NELFA: variants seen among roughly 807,000 people sequenced by gnomAD.
NELFA encodes negative elongation factor complex member A, also known as negative elongation factor A.
In NELFA, 35 loss-of-function variants were observed where a neutral mutation model predicts 51.8. The observed-to-expected ratio is 0.68, with a 90% CI of 0.52 to 0.90. The LOEUF (loss-of-function observed/expected upper bound fraction) is 0.90, where lower values mean the gene tolerates loss of function less well. Ranked by LOEUF, NELFA falls within the 40% of genes least tolerant of loss-of-function variation. The pLI is 0.00. For missense variants in NELFA, 658 were observed against 746.4 expected (o/e 0.88, Z 1.38); for synonymous variants, 417 against 338.4 (o/e 1.23, Z -2.55).
In NELFA at chr4:1,989,876, G is replaced by GT; in HGVS notation, c.383-8dup. 3 of 1,611,694 alleles carry GT rather than the reference G, an allele frequency of 1.9e-6. No homozygotes were observed. Among genetic ancestry groups the GT allele is most frequent in the Non-Finnish European group, 2.5e-6 (3 of 1,178,954 alleles). ...GACGCTTCACACTCACCCACTGCCG[G>GT]TAAGAACCACATGAAGTTAGGGGCG... On this transcript the variant is annotated splice_region_variant and splice_polypyrimidine_tract_variant and intron_variant, in intron 2 of 10. Transcript: ENST00000382882. The surrounding 1 kb of genome is among the most constrained non-coding windows in gnomAD (Gnocchi z 4.8).
intron 2 of NELFA, chr4:1,990,571 G>T: frequency 2.2e-6 from 1 of 450,452 alleles, no homozygotes; most frequent in Admixed American, 2.4e-5. Context: ...CCTCACAGGT[G>T]GGGAGAGGTG....
chr4:2,001,207 G>A (rs1230148060), intron 1 of NELFA, among the ~76,000 whole-genome samples: 1 of 152,168 alleles, frequency 6.6e-6, no homozygotes, highest in East Asian at 1.9e-4. Context: ...GGCAAAAGCT[G>A]GAAGCATTCT....
In NELFA at chr4:1,989,598, G is replaced by T; in HGVS notation, c.544+110C>A. On this transcript the variant is annotated intron_variant, in intron 3 of 10. Transcript: ENST00000382882. The surrounding 1 kb of genome is among the most constrained non-coding windows in gnomAD (Gnocchi z 4.8). ...CCTCCCAACAGGTGTGAGCCACCAT[G>T]CCTGGCCCAGAACGCCACCTTGAAG... 1 of 1,235,778 alleles carries T rather than the reference G, an allele frequency of 8.1e-7. No homozygotes were observed. The highest frequency in any genetic ancestry group is 1.1e-6 in the Non-Finnish European group (1 of 891,488). 76.6% of individuals were successfully genotyped at this position (1,235,778 alleles called of 1,614,324 possible).
At chr4:2,001,927 A>G (rs189669381) in intron 1 of NELFA, among the ~76,000 whole-genome samples, 41 of 149,396 alleles carry the variant, frequency 2.7e-4, no homozygotes, top group Admixed American at 1.5e-3. Context: ...AAGGCCAGGC[A>G]CGGTGGCTCA....
chr4:1,990,127 C>G, intron 2 of NELFA: 1 of 525,636 alleles, frequency 1.9e-6, no homozygotes, highest in Non-Finnish European at 3.4e-6. Flanking sequence ...ACCGCGGACA[C>G]CAAGAACCAC....
At chr4:2,007,227 A>C (rs975256594) in intron 1 of NELFA, 3 of 321,958 alleles carry the variant, frequency 9.3e-6, no homozygotes, top group African/African-American at 4.3e-5. Context: ...CAAACACAAA[A>C]ACAAAACACT....
chr4:2,005,122 A>T (rs187100657), intron 1 of NELFA, among the ~76,000 whole-genome samples: 161 of 147,986 alleles, frequency 1.1e-3, no homozygotes, highest in African/African-American at 3.1e-3. Flanking sequence ...AAGCTATTTT[A>T]AAAAAATTCA....
At chr4:1,985,658 C>T in intron 7 of NELFA, 118 bp downstream of exon 7, 1 of 738,102 alleles carries the variant, frequency 1.4e-6, no homozygotes, top group East Asian at 2.7e-5. Context: ...TAAATACAGA[C>T]TGCACACATA....
chr4:1,983,281 AC>A lies in NELFA; in HGVS notation c.*37del, dbSNP rs771213893. 4.0e-5 allele frequency: 63 copies of A among 1,583,974 alleles called. No individual in the cohort carries two copies. The highest frequency in any genetic ancestry group is 4.8e-5 in the Non-Finnish European group (56 of 1,159,806). On this transcript the variant is annotated 3_prime_UTR_variant, in exon 11 of 11. Transcript: ENST00000382882. ...AGCTGGCAAAGCCATCGTCCCGTGGACCCCCACAAGTGACGGCCAGCTGTGA... is the reference window on the plus strand; with the variant it reads ...AGCTGGCAAAGCCATCGTCCCGTGGACCCCACAAGTGACGGCCAGCTGTGA...
chr4:1,991,507 C>T (rs1257334507), intron 2 of NELFA, 37 bp downstream of exon 2: 2 of 1,596,618 alleles, frequency 1.3e-6, no homozygotes, highest in Admixed American at 1.8e-5. Context: ...AGATCCATTT[C>T]CCTCCACCCA....
At chr4:1,985,030 G>A (rs911925056) in intron 7 of NELFA, 111 bp from the exon 8 acceptor site, 4 of 755,742 alleles carry the variant, frequency 5.3e-6, no homozygotes, top group Non-Finnish European at 8.4e-6. Flanking sequence ...CCCCGAGCTA[G>A]AGCAGGAAGG....
chr4:1,989,984 G>A lies in NELFA; in HGVS notation c.383-115C>T, dbSNP rs1728225035. ...CCTCAGTTAGGGTTAGGTCATGGGA[G>A]CTTCGGCTGTCCCCTGAGGTCCTCG... On this transcript the variant is annotated intron_variant, in intron 2 of 10. Coordinates refer to ENST00000382882, the MANE Select transcript of NELFA (RefSeq NM_005663.5). This position sits in a 1 kb window ranked among gnomAD's most constrained non-coding sequence, Gnocchi z 4.8. 16 of 1,280,750 alleles carry A rather than the reference G, an allele frequency of 1.2e-5. No individual in the cohort carries two copies. In the East Asian group the frequency reaches 3.5e-4, roughly 28 times the overall value. 79.3% of individuals were successfully genotyped at this position (1,280,750 alleles called of 1,614,324 possible). A position where few individuals can be genotyped will look rare whatever the true frequency, so the allele number is the denominator to read the frequency against.
At chr4:1,992,317 C>T (rs1002496144) in intron 1 of NELFA, 7 of 244,838 alleles carry the variant, frequency 2.9e-5, no homozygotes, top group South Asian at 1.4e-4. Context: ...GAGGTGGCCC[C>T]GGGATCTGGA....
chr4:1,989,827 T>C lies in NELFA; in HGVS notation c.425A>G (p.Gln142Arg), dbSNP rs373987600. 5.1e-5 allele frequency: 83 copies of C among 1,614,034 alleles called. No homozygotes were observed. The highest frequency in any genetic ancestry group is 6.9e-5 in the Non-Finnish European group (82 of 1,180,032). ...CGTCAGGGCGTTTTTGTTCAAGTACTGGCACTCCAGTGGCAGCATGGCAGA... is the reference window on the plus strand; with the variant it reads ...CGTCAGGGCGTTTTTGTTCAAGTACCGGCACTCCAGTGGCAGCATGGCAGA... ...EASAMLPLEC[Q>R]YLNKNALTTL... is the part of the protein sequence containing the mutation. Residue 142 changes from glutamine (Q) to arginine (R), a missense_variant, in exon 3 of 11, where the codon CAG (glutamine) becomes CGG (arginine). Transcript: ENST00000382882. This position sits in a 1 kb window ranked among gnomAD's most constrained non-coding sequence, Gnocchi z 4.8.
intron 1 of NELFA, among the ~76,000 whole-genome samples, chr4:1,993,514 G>A (rs1358565215): frequency 1.3e-5 from 2 of 150,864 alleles, no homozygotes; most frequent in African/African-American, 4.9e-5. Flanking sequence ...AGGAGGCGGA[G>A]GTTGCGTGAG....
intron 1 of NELFA, among the ~76,000 whole-genome samples, chr4:2,005,801 A>C (rs1728695343): frequency 6.6e-6 from 1 of 152,218 alleles, no homozygotes; most frequent in Non-Finnish European, 1.5e-5. Flanking sequence ...AACGGCATGG[A>C]AAAATATGAA....
At chr4:1,985,995 C>A in intron 6 of NELFA, 119 bp downstream of exon 6, 1 of 1,358,644 alleles carries the variant, frequency 7.4e-7, no homozygotes. Context: ...GGCACCCACC[C>A]ACGGAGAGCA....
In NELFA at chr4:2,008,906, C is replaced by G. The variant is rs772671057; in HGVS notation, c.54G>C (p.Gly18=). 15 of 1,582,842 alleles carry G rather than the reference C, an allele frequency of 9.5e-6. No individual in the cohort carries two copies. Among genetic ancestry groups the G allele is most frequent in the Non-Finnish European group, 1.2e-5 (14 of 1,165,394 alleles). ...DTGLWLHNKL[G]ATDELWAPPS... is the part of the protein sequence containing the mutation. ...GCGGCGCCCACAGCTCGTCCGTGGC[C>G]CCCAGCTTGTTGTGCAGCCACAGGC... Residue 18 remains glycine (G), a synonymous_variant, in exon 1 of 11, where the codon GGG becomes GGC. Transcript: ENST00000382882.
intron 2 of NELFA, chr4:1,990,071 A>C (rs998907907): frequency 3.3e-6 from 2 of 611,566 alleles, no homozygotes; most frequent in Non-Finnish European, 2.8e-6. Context: ...GGAATGCCTG[A>C]GAGGCGGGCA....
Sources: gnomAD v4.1 joint callset for allele counts (sites outside exome capture counted in the v4.1 genomes callset) on GRCh38, gnomAD v4.1.1 for gene constraint, Gnocchi (gnomAD v3.1) non-coding constraint, MANE v1.5 for transcripts, NCBI Gene and HGNC (gene_info 2026-07-23, HGNC 2026-07-21) for gene names.